Variants in KAZN observed in about 807,000 individuals in gnomAD.
KAZN encodes the protein kazrin, periplakin interacting protein.
Under a neutral mutation model 87.4 loss-of-function variants are expected in KAZN, and 40 were observed. That is an observed-to-expected ratio of 0.46 (90% CI 0.36 to 0.60). The LOEUF is 0.60. Ranked by LOEUF, KAZN falls within the 20% of genes least tolerant of loss-of-function variation. The probability of loss-of-function intolerance (pLI) is 0.00; values close to 1 mark genes in which losing one functional copy is unlikely to be tolerated. For missense variants in KAZN, 898 were observed against 1,073.9 expected (o/e 0.84, Z 2.29); for synonymous variants, 466 against 458.3 (o/e 1.02, Z -0.22).
chr1:14,232,260 C>G (rs1057479437), intron 2 of KAZN, among the ~76,000 whole-genome samples: 2 of 151,966 alleles, frequency 1.3e-5, no homozygotes, highest in Non-Finnish European at 2.9e-5. Context: ...TGTGTGTGTG[C>G]GCATGTATGT....
intron 1 of KAZN, among the ~76,000 whole-genome samples, chr1:14,927,728 C>G (rs898005993): frequency 2.0e-5 from 3 of 152,208 alleles, no homozygotes; most frequent in Admixed American, 6.5e-5. Context: ...TAACCCCGAG[C>G]TCAGAAAGCC....
At chr1:14,580,838 G>T (rs1054377041) in intron 2 of KAZN, among the ~76,000 whole-genome samples, 1 of 152,126 alleles carries the variant, frequency 6.6e-6, no homozygotes, top group African/African-American at 2.4e-5. Flanking sequence ...ATCAACCAAT[G>T]TCATCAATCA....
At chr1:14,331,073 A>G (rs139932710) in intron 2 of KAZN, among the ~76,000 whole-genome samples, 1,876 of 152,274 alleles carry the variant, frequency 0.012, 22 homozygotes, top group Non-Finnish European at 0.017. Context: ...GATTTGCCCA[A>G]TGGTGTGAGC....
In KAZN at chr1:14,990,012, T is replaced by C. The variant is rs143004965; in HGVS notation, c.418+29137T>C. On this transcript the variant is annotated intron_variant, in intron 2 of 14. Transcript: ENST00000376030. The stretch of plus-strand genomic sequence containing the variant: ...ATACAGCAACTCTATGACATAGGTT[T>C]TATCACATTGCCATACAGGTGAAAA... Among the ~76,000 whole-genome samples, 102 of 152,148 alleles carry C rather than the reference T, an allele frequency of 6.7e-4. 1 individual carries two copies. Among genetic ancestry groups the C allele is most frequent in the African/African-American group, 7.7e-4 (32 of 41,550 alleles).
intron 2 of KAZN, among the ~76,000 whole-genome samples, chr1:15,025,071 AT>A (rs1360048456): frequency 6.6e-6 from 1 of 152,150 alleles, no homozygotes; most frequent in African/African-American, 2.4e-5. Context: ...GAAAGTCACT[AT>A]TTCCTGAGCA....
chr1:13,977,236 C>G (rs7552001), intron 1 of KAZN, among the ~76,000 whole-genome samples: 20,956 of 152,192 alleles, frequency 0.14, 1,569 homozygotes, highest in South Asian at 0.2. Flanking sequence ...TGAGGTATCA[C>G]AGGTACATTG....
intron 1 of KAZN, among the ~76,000 whole-genome samples, chr1:14,640,063 T>C (rs1680305497): frequency 6.6e-6 from 1 of 152,226 alleles, no homozygotes; most frequent in Non-Finnish European, 1.5e-5. Context: ...CAAAAGGTTG[T>C]TCGAGAAATG....
intron 2 of KAZN, among the ~76,000 whole-genome samples, chr1:14,190,670 T>G (rs1646403966): frequency 6.6e-6 from 1 of 152,116 alleles, no homozygotes; most frequent in African/African-American, 2.4e-5. Context: ...AAATTCTGTC[T>G]ACCATGAGAA....
chr1:15,035,809 A>G (rs1374676703), intron 3 of KAZN, among the ~76,000 whole-genome samples: 2 of 152,164 alleles, frequency 1.3e-5, no homozygotes, highest in Admixed American at 1.3e-4. Flanking sequence ...ACTGCACTCC[A>G]GCCTCGAGCT....
At chr1:14,078,791 T>C (rs1643560389) in intron 1 of KAZN, among the ~76,000 whole-genome samples, 2 of 152,070 alleles carry the variant, frequency 1.3e-5, no homozygotes, top group South Asian at 4.1e-4. Flanking sequence ...TTCAAACGAT[T>C]CTCCTGCCTC....
At chr1:14,008,143 A>G (rs115575023) in intron 1 of KAZN, among the ~76,000 whole-genome samples, 2,324 of 152,264 alleles carry the variant, frequency 0.015, 62 homozygotes, top group African/African-American at 0.054. Context: ...CCTGTGTTTA[A>G]TGTTCATTTT....
At chr1:14,450,370 C>A (rs1200543673) in intron 2 of KAZN, among the ~76,000 whole-genome samples, 1 of 152,132 alleles carries the variant, frequency 6.6e-6, no homozygotes, top group Non-Finnish European at 1.5e-5. Context: ...GGGTAGATCA[C>A]CTGAGGTCAA....
Position 14,181,808 on chromosome 1 carries a change from G to C in KAZN, c.249+1216G>C, listed in dbSNP as rs995941877. Among the ~76,000 whole-genome samples, 18 of 152,272 alleles carry C rather than the reference G, an allele frequency of 1.2e-4. 1 individual carries two copies. The highest frequency in any genetic ancestry group is 3.9e-4 in the African/African-American group (16 of 41,546). On this transcript the variant is annotated intron_variant, in intron 2 of 16. Coordinates refer to the KAZN transcript ENST00000636203. ...TTTACTGAATAAAAGAGAGCAAATTGTTCTTGAAAGGATTAGCTTTCCTCG... is the reference window on the plus strand; with the variant it reads ...TTTACTGAATAAAAGAGAGCAAATTCTTCTTGAAAGGATTAGCTTTCCTCG...
chr1:14,913,202 G>C (rs1337941918), intron 1 of KAZN, among the ~76,000 whole-genome samples: 1 of 152,130 alleles, frequency 6.6e-6, no homozygotes, highest in East Asian at 1.9e-4. Flanking sequence ...TTGGGATTAG[G>C]CTCACCCAGC....
chr1:14,689,316 C>T (rs950069505), intron 1 of KAZN, among the ~76,000 whole-genome samples: 2 of 152,196 alleles, frequency 1.3e-5, no homozygotes, highest in Non-Finnish European at 1.5e-5. Flanking sequence ...TCAGGGCCTG[C>T]CTCTGTCTGG....
chr1:14,725,845 A>G (rs946214224), intron 1 of KAZN, among the ~76,000 whole-genome samples: 1 of 152,204 alleles, frequency 6.6e-6, no homozygotes. Context: ...CAAGTCTAGC[A>G]GGTTTCCTGT....
intron 2 of KAZN, among the ~76,000 whole-genome samples, chr1:14,268,292 A>G (rs140909973): frequency 3.8e-4 from 58 of 152,288 alleles, no homozygotes; most frequent in African/African-American, 1.3e-3. Flanking sequence ...TATTTTCATG[A>G]TATTCCAAGG....
intron 1 of KAZN, among the ~76,000 whole-genome samples, chr1:14,079,596 C>T (rs952019076): frequency 5.3e-5 from 8 of 152,170 alleles, no homozygotes; most frequent in African/African-American, 1.7e-4. Flanking sequence ...GTACTAAAAC[C>T]AGAATGCTAG....
chr1:14,177,465 T>C (rs1354713976), intron 1 of KAZN, among the ~76,000 whole-genome samples: 1 of 152,234 alleles, frequency 6.6e-6, no homozygotes, highest in Non-Finnish European at 1.5e-5. Context: ...TGATGAGTTC[T>C]CTCAGCTTTT....
Sources: gnomAD v4.1 joint callset for allele counts (sites outside exome capture counted in the v4.1 genomes callset) on GRCh38, gnomAD v4.1.1 for gene constraint, MANE v1.5 for transcripts, NCBI Gene and HGNC (gene_info 2026-07-23, HGNC 2026-07-21) for gene names.